The following GUCY1A2 variants were observed in gnomAD, a reference collection of about 807,000 sequenced individuals.
GUCY1A2 encodes the protein guanylate cyclase 1 soluble subunit alpha 2, also known as guanylate cyclase soluble subunit alpha-2.
Under a neutral mutation model 63.5 loss-of-function variants are expected in GUCY1A2, and 27 were observed. The ratio of observed to expected loss-of-function variants is 0.43; its 90% CI spans 0.31 to 0.59. GUCY1A2 has a LOEUF of 0.59. Ranked by LOEUF, GUCY1A2 falls within the 20% of genes least tolerant of loss-of-function variation. The pLI is 0.11. For synonymous variants in GUCY1A2, 364 were observed against 343.5 expected, an observed-to-expected ratio of 1.06 and a Z score of -0.66; for missense variants, 768 against 913.3, an observed-to-expected ratio of 0.84 and a Z score of 2.05.
intron 4 of GUCY1A2, among the ~76,000 whole-genome samples, chr11:106,837,852 G>T (rs11211941): frequency 0.16 from 24,645 of 151,760 alleles, 2,407 homozygotes; most frequent in East Asian, 0.28. Context: ...GTTTCTTCCT[G>T]AGAAGAATCC....
At chr11:106,842,760 C>A (rs1239814326) in intron 4 of GUCY1A2, among the ~76,000 whole-genome samples, 1 of 151,832 alleles carries the variant, frequency 6.6e-6, no homozygotes, top group South Asian at 2.1e-4. Context: ...GTGGAAGGGG[C>A]CTGTTAGAAT....
intron 3 of GUCY1A2, among the ~76,000 whole-genome samples, chr11:106,977,338 C>T (rs1313630608): frequency 6.6e-6 from 1 of 152,122 alleles, no homozygotes; most frequent in Non-Finnish European, 1.5e-5. Context: ...TTATTTTCTC[C>T]AGTCATAAGA....
In GUCY1A2 at chr11:107,005,342, T is replaced by G. The variant is rs528487837; in HGVS notation, c.303+12411A>C. On this transcript the variant is annotated intron_variant, in intron 1 of 7. Coordinates refer to ENST00000526355, the MANE Select transcript of GUCY1A2 (RefSeq NM_000855.3). The stretch of plus-strand genomic sequence containing the variant: ...AAGCTGCCATTCAGTAGTGTGATCA[T>G]AGCTCATTGCAGCCTTGACCACATG... Among the ~76,000 whole-genome samples, 8 of 152,366 alleles carry G rather than the reference T, an allele frequency of 5.3e-5. No individual in the cohort carries two copies. The East Asian group carries it at 1.5e-3, about 29-fold the overall frequency.
intron 4 of GUCY1A2, among the ~76,000 whole-genome samples, chr11:106,839,999 A>C (rs1859174756): frequency 6.6e-6 from 1 of 152,020 alleles, no homozygotes; most frequent in African/African-American, 2.4e-5. Context: ...CCTAAGACTT[A>C]AAGTATTATA....
At chr11:106,774,764 T>C (rs1242989198) in intron 6 of GUCY1A2, among the ~76,000 whole-genome samples, 2 of 152,184 alleles carry the variant, frequency 1.3e-5, no homozygotes, top group Non-Finnish European at 2.9e-5. Flanking sequence ...AACTTAGTTA[T>C]TGATAATTTC....
chr11:106,887,792 G>A (rs747142042), intron 4 of GUCY1A2, among the ~76,000 whole-genome samples: 3 of 152,134 alleles, frequency 2.0e-5, no homozygotes, highest in Admixed American at 6.5e-5. Flanking sequence ...TTAAATGACC[G>A]GCATAAAAAC....
chr11:106,855,423 G>C (rs1451529533), intron 4 of GUCY1A2, among the ~76,000 whole-genome samples: 1 of 152,098 alleles, frequency 6.6e-6, no homozygotes, highest in Non-Finnish European at 1.5e-5. Flanking sequence ...CTGAATTTCA[G>C]TGTTCTCTTA....
intron 4 of GUCY1A2, among the ~76,000 whole-genome samples, chr11:106,939,124 T>C (rs1860716712): frequency 6.6e-6 from 1 of 152,234 alleles, no homozygotes. Context: ...TGAAATGCTA[T>C]ATTTCTCATA....
At chr11:106,997,296 A>T (rs1333344985) in intron 1 of GUCY1A2, among the ~76,000 whole-genome samples, 1 of 152,134 alleles carries the variant, frequency 6.6e-6, no homozygotes, top group Non-Finnish European at 1.5e-5. Context: ...AGGTAATGTC[A>T]TTCTTCTTCC....
chr11:106,856,008 C>A (rs1237334598), intron 4 of GUCY1A2, among the ~76,000 whole-genome samples: 1 of 151,658 alleles, frequency 6.6e-6, no homozygotes, highest in Admixed American at 6.6e-5. Flanking sequence ...TTACTGCAGC[C>A]TCAACTTCCT....
At chr11:106,976,505 TA>T (rs1565348612) in intron 3 of GUCY1A2, among the ~76,000 whole-genome samples, 1 of 152,184 alleles carries the variant, frequency 6.6e-6, no homozygotes, top group Non-Finnish European at 1.5e-5. Context: ...TTTTATTGAA[TA>T]TGACCGCTAA....
At chr11:106,720,555 C>T (rs1223427805) in intron 6 of GUCY1A2, among the ~76,000 whole-genome samples, 1 of 151,882 alleles carries the variant, frequency 6.6e-6, no homozygotes, top group East Asian at 1.9e-4. Context: ...ATGAACGATG[C>T]ATAATGATAA....
intron 3 of GUCY1A2, among the ~76,000 whole-genome samples, chr11:106,957,889 T>A (rs57286270): frequency 2.5e-4 from 25 of 99,780 alleles, no homozygotes; most frequent in South Asian, 9.5e-4. Flanking sequence ...TTTTTTTTTT[T>A]CAGAAAAAAA....
intron 4 of GUCY1A2, among the ~76,000 whole-genome samples, chr11:106,882,144 T>A (rs1379314862): frequency 1.3e-5 from 2 of 151,988 alleles, no homozygotes; most frequent in African/African-American, 4.8e-5. Flanking sequence ...GAAAAATAAA[T>A]ATTGACTCAG....
At chr11:106,779,115 A>T (rs1411329941) in intron 5 of GUCY1A2, among the ~76,000 whole-genome samples, 6 of 152,180 alleles carry the variant, frequency 3.9e-5, no homozygotes, top group Non-Finnish European at 8.8e-5. Flanking sequence ...ACAGTGCAAA[A>T]CTTATCACTT....
At chr11:106,863,499 T>A (rs1047253006) in intron 4 of GUCY1A2, among the ~76,000 whole-genome samples, 1 of 152,186 alleles carries the variant, frequency 6.6e-6, no homozygotes, top group Non-Finnish European at 1.5e-5. Flanking sequence ...TTGGTCTATA[T>A]ATCTGTTTTG....
rs1860728402 is a variant in GUCY1A2, at chr11:106,939,819, G to C, written c.847C>G (p.Pro283Ala). 1 of 1,613,352 alleles carries C rather than the reference G, an allele frequency of 6.2e-7. No individual in the cohort carries two copies. The highest frequency in any genetic ancestry group is 1.3e-5 in the African/African-American group (1 of 74,988). Residue 283 changes from proline (P) to alanine (A), a missense_variant, in exon 4 of 8, where the codon CCA (proline) becomes GCA (alanine). Pro to Ala is a conservative substitution (Grantham distance 27). Around this residue, in one of 3 missense-constraint regions of GUCY1A2, gnomAD observed 496 missense variants for 486.9 expected, o/e 1.02. Coordinates refer to ENST00000526355, the MANE Select transcript of GUCY1A2 (RefSeq NM_000855.3). ...AAAGTAAGACAGCTACAATTGCCTG[G>C]GTTTGAAACATCAGAGCATAGCTTC... ...NEKLCSDVSN[P>A]GNCSCLTFLI... is the part of the protein sequence containing the mutation.
intron 6 of GUCY1A2, among the ~76,000 whole-genome samples, chr11:106,738,908 G>GT (rs1452196999): frequency 6.6e-6 from 1 of 152,022 alleles, no homozygotes; most frequent in Non-Finnish European, 1.5e-5. Context: ...ATTTAAAGTA[G>GT]TTTTTTTCTA....
At chr11:106,893,971 G>A (rs1380715172) in intron 4 of GUCY1A2, among the ~76,000 whole-genome samples, 2 of 152,114 alleles carry the variant, frequency 1.3e-5, no homozygotes, top group African/African-American at 4.8e-5. Flanking sequence ...TTCCCACAAG[G>A]GAAGGGGGAA....
Sources: allele counts gnomAD v4.1 joint callset (sites outside exome capture counted in the v4.1 genomes callset), GRCh38; gene constraint gnomAD v4.1.1; regional missense constraint gnomAD v4.1.1; transcripts MANE v1.5; gene names NCBI Gene and HGNC (gene_info 2026-07-23, HGNC 2026-07-21).